Variants in TRMT44 observed in about 807,000 individuals in gnomAD.
The protein encoded by TRMT44 is probable tRNA (uracil-O(2)-)-methyltransferase.
A neutral mutation model predicts 77.3 loss-of-function variants in TRMT44; 78 were observed. The ratio of observed to expected loss-of-function variants is 1.01; its 90% CI spans 0.84 to 1.22. The LOEUF is 1.22. TRMT44 is among the 50% of genes most tolerant of loss of function. The pLI is 0.00. For missense variants in TRMT44, 1,090 were observed against 964.4 expected, an observed-to-expected ratio of 1.13 and a Z score of -1.73; for synonymous variants, 391 against 383.3, an observed-to-expected ratio of 1.02 and a Z score of -0.23.
At chr4:8,460,564 C>A (rs1225000297) in intron 6 of TRMT44, among the ~76,000 whole-genome samples, 1 of 124,954 alleles carries the variant, frequency 8.0e-6, no homozygotes, top group Non-Finnish European at 1.8e-5. Flanking sequence ...GTTGGCCTCA[C>A]TCTTTTTTTT....
chr4:8,506,772 G>T, the TRMT44 span: 1 of 152,284 alleles, frequency 6.6e-6, no homozygotes, highest in Non-Finnish European at 1.5e-5. Context: ...CGTCTGCAGT[G>T]CTTGGAGCCA....
intron 2 of TRMT44, 105 bp from the exon 3 acceptor site, chr4:8,449,564 A>G (rs957800613): frequency 1.4e-5 from 13 of 901,162 alleles, no homozygotes; most frequent in Middle Eastern, 3.4e-4. Flanking sequence ...TTTTGGTAAT[A>G]TAGATGTCTT....
chr4:8,465,691 T>A, intron 8 of TRMT44, 130 bp downstream of exon 8: 1 of 818,302 alleles, frequency 1.2e-6, no homozygotes, highest in Non-Finnish European at 1.9e-6. Flanking sequence ...TGCTGATTTC[T>A]GTGCCTCTGT....
the TRMT44 span, among the ~76,000 whole-genome samples, chr4:8,506,247 A>G: frequency 6.6e-6 from 1 of 152,212 alleles, no homozygotes; most frequent in South Asian, 2.1e-4. Context: ...TGGGTGTCAC[A>G]AGCTGCTGAG....
chr4:8,466,088 T>C (rs1366302878), intron 8 of TRMT44, among the ~76,000 whole-genome samples: 2 of 152,232 alleles, frequency 1.3e-5, no homozygotes, highest in Admixed American at 6.5e-5. Context: ...GGCAGACTTA[T>C]GCCCTCTTGC....
chr4:8,467,569 C>A (rs929710630), intron 8 of TRMT44, among the ~76,000 whole-genome samples: 1 of 152,144 alleles, frequency 6.6e-6, no homozygotes, highest in African/African-American at 2.4e-5. Context: ...TGGCCTCTGC[C>A]TCCTGGGTTC....
rs1410946231 is a variant in TRMT44, at chr4:8,444,685, A to G, written c.620-1791A>G. The stretch of plus-strand genomic sequence containing the variant: ...AGTGCCGGGGTTACGGGCGTGAGCC[A>G]CCTCTCCCGGCCACTATTGTACATT... On this transcript the variant is annotated intron_variant, in intron 1 of 10. Coordinates refer to ENST00000389737, the MANE Select transcript of TRMT44 (RefSeq NM_152544.3). The surrounding 1 kb of genome is among the most constrained non-coding windows in gnomAD (Gnocchi z 4.0). 1.3e-5 allele frequency among the ~76,000 whole-genome samples: 2 copies of G among 152,188 alleles called. No homozygotes were observed. The highest frequency in any genetic ancestry group is 4.8e-5 in the African/African-American group (2 of 41,454).
rs765395676 is a variant in TRMT44, at chr4:8,465,526, G to A, written c.1459G>A (p.Asp487Asn). Reference sequence around the variant, plus strand: ...GGGCTTCACCTGTGGGTTTCACGTGGACGAAGACTGCCTCAGGATTCCTTC... The same window carrying A: ...GGGCTTCACCTGTGGGTTTCACGTGAACGAAGACTGCCTCAGGATTCCTTC... The part of the protein sequence containing the change: ...EVGFTCGFHV[D>N]EDCLRIPSTK... Residue 487 changes from aspartate to asparagine, a missense_variant, in exon 8 of 11, where the codon GAC becomes AAC. Physicochemically the swap from Asp to Asn is conservative, Grantham distance 23. Transcript: ENST00000389737. The A allele has an allele frequency of 1.2e-6, 2 of 1,613,798 alleles. No homozygotes were observed. The highest frequency in any genetic ancestry group is 1.1e-5 in the South Asian group (1 of 90,972).
chr4:8,504,590 C>T, the TRMT44 span, among the ~76,000 whole-genome samples: 1 of 152,156 alleles, frequency 6.6e-6, no homozygotes, highest in Admixed American at 6.5e-5. The surrounding 1 kb of genome is among the most constrained non-coding windows in gnomAD (Gnocchi z 5.3). Flanking sequence ...GGGTGTGGAC[C>T]TGCGCCAAGT....
chr4:8,458,053 G>C (rs1368731316), intron 6 of TRMT44, among the ~76,000 whole-genome samples: 2 of 150,762 alleles, frequency 1.3e-5, no homozygotes, highest in Non-Finnish European at 2.9e-5. Flanking sequence ...AAAAGAGACA[G>C]TGCCAGAAAG....
intron 6 of TRMT44, among the ~76,000 whole-genome samples, chr4:8,459,530 G>C (rs749447687): frequency 6.6e-6 from 1 of 152,194 alleles, no homozygotes; most frequent in Non-Finnish European, 1.5e-5. Context: ...TCTGTTTTCA[G>C]ATTACAAATT....
At chr4:8,456,856 A>G (rs1314875104) in intron 6 of TRMT44, among the ~76,000 whole-genome samples, 3 of 152,198 alleles carry the variant, frequency 2.0e-5, no homozygotes, top group Admixed American at 6.5e-5. Context: ...TTAGCTGACC[A>G]AGAGGCAGCA....
chr4:8,467,516 C>T (rs368088018), intron 8 of TRMT44, among the ~76,000 whole-genome samples: 9 of 152,202 alleles, frequency 5.9e-5, no homozygotes, highest in African/African-American at 1.9e-4. Context: ...AGTTTTTGCT[C>T]TTGTCACCCA....
At chr4:8,470,980 C>T (rs767675035) in intron 9 of TRMT44, 104 bp from the exon 10 acceptor site, 12 of 749,174 alleles carry the variant, frequency 1.6e-5, no homozygotes, top group African/African-American at 1.1e-4. Context: ...GAGTGCATAA[C>T]GCGTGTGAGT....
the TRMT44 span, chr4:8,506,695 GCC>G: frequency 2.6e-5 from 4 of 152,314 alleles, no homozygotes; most frequent in Admixed American, 2.0e-4. Context: ...TCCTGGGCCA[GCC>G]CCTGGGCGGA....
chr4:8,516,725 C>T, the TRMT44 span, among the ~76,000 whole-genome samples: 1 of 152,152 alleles, frequency 6.6e-6, no homozygotes, highest in Non-Finnish European at 1.5e-5. Context: ...CTGCAGTCAG[C>T]CAAGATCGCA....
At chr4:8,465,828 C>T (rs959373386) in intron 8 of TRMT44, among the ~76,000 whole-genome samples, 3 of 152,226 alleles carry the variant, frequency 2.0e-5, no homozygotes, top group Non-Finnish European at 4.4e-5. Flanking sequence ...CTCTGAGTGG[C>T]CCCAGGGGAC....
At chr4:8,476,746 CTT>C (rs1727412399), downstream of TRMT44, 1 of 152,360 alleles carries the variant, frequency 6.6e-6, no homozygotes, top group East Asian at 1.9e-4. Context: ...ATTTGTTTCT[CTT>C]TTATTTTTAT....
At chr4:8,465,168 G>A (rs944950439) in intron 7 of TRMT44, among the ~76,000 whole-genome samples, 7 of 152,156 alleles carry the variant, frequency 4.6e-5, no homozygotes, top group Non-Finnish European at 1.0e-4. Flanking sequence ...TCAGCATCTT[G>A]CAGTACACCC....
Sources: gnomAD v4.1 joint callset for allele counts (sites outside exome capture counted in the v4.1 genomes callset) on GRCh38, gnomAD v4.1.1 for gene constraint, Gnocchi (gnomAD v3.1) non-coding constraint, MANE v1.5 for transcripts, NCBI Gene and HGNC (gene_info 2026-07-23, HGNC 2026-07-21) for gene names.